Variants in CALN1 observed in about 807,000 individuals in gnomAD.
The protein encoded by CALN1 is calcium-binding protein 8.
In CALN1, 17 loss-of-function variants were observed where a neutral mutation model predicts 30.6. The ratio of observed to expected loss-of-function variants is 0.56; its 90% CI spans 0.38 to 0.83. The LOEUF (loss-of-function observed/expected upper bound fraction) is 0.83. Ranked by LOEUF, CALN1 falls within the 40% of genes least tolerant of loss-of-function variation. The probability of loss-of-function intolerance (pLI) is 0.00; values close to 1 mark genes in which losing one functional copy is unlikely to be tolerated. For synonymous variants in CALN1, 156 were observed against 131.4 expected (o/e 1.19, Z -1.28); for missense variants, 291 against 354.9 (o/e 0.82, Z 1.45).
chr7:72,238,903 T>G (rs945251700), intron 3 of CALN1, among the ~76,000 whole-genome samples: 9 of 152,150 alleles, frequency 5.9e-5, no homozygotes, highest in African/African-American at 2.2e-4. Flanking sequence ...AAGAAAAGAT[T>G]GTGACAAGAC....
intron 4 of CALN1, among the ~76,000 whole-genome samples, chr7:72,098,655 C>G (rs1312400288): frequency 6.6e-6 from 1 of 151,984 alleles, no homozygotes; most frequent in African/African-American, 2.4e-5. Flanking sequence ...CTGCACTGAT[C>G]AATGATTGCA....
chr7:71,938,847 C>G (rs1358113228), intron 5 of CALN1, among the ~76,000 whole-genome samples: 1 of 152,044 alleles, frequency 6.6e-6, no homozygotes, highest in Non-Finnish European at 1.5e-5. Flanking sequence ...TCACTGAGAA[C>G]AGAGAGCGCC....
At chr7:71,799,425 A>T (rs371139025) in intron 6 of CALN1, among the ~76,000 whole-genome samples, 1 of 26,924 alleles carries the variant, frequency 3.7e-5, no homozygotes, top group African/African-American at 6.5e-5. Flanking sequence ...GGGTCTTTTT[A>T]TTTATTTATT....
intron 2 of CALN1, among the ~76,000 whole-genome samples, chr7:72,366,311 T>C (rs1803874657): frequency 6.6e-6 from 1 of 152,014 alleles, no homozygotes. Flanking sequence ...GTAGCTGGGA[T>C]TACAGGTGCA....
chr7:71,828,680 T>C lies in CALN1; in HGVS notation c.502-18188A>G, dbSNP rs186657392. Reference sequence around the variant, plus strand: ...CATATATATATATATGTAAGATATATACATAAGATATATACATATATACAT... The same window carrying C: ...CATATATATATATATGTAAGATATACACATAAGATATATACATATATACAT... On this transcript the variant is annotated intron_variant, in intron 5 of 6. Coordinates refer to ENST00000395275, the MANE Select transcript of CALN1 (RefSeq NM_031468.4). 2.8e-4 allele frequency among the ~76,000 whole-genome samples: 42 copies of C among 150,192 alleles called. 1 individual carries two copies. Among genetic ancestry groups the C allele is most frequent in the African/African-American group, 1.0e-3 (41 of 40,626 alleles).
chr7:72,083,677 T>A (rs756424665), intron 4 of CALN1, among the ~76,000 whole-genome samples: 24 of 152,150 alleles, frequency 1.6e-4, no homozygotes, highest in Admixed American at 3.3e-4. Context: ...TCCCAGCACT[T>A]TGGGAGGCCG....
At chr7:72,429,995 C>T (rs757721246) in intron 1 of CALN1, among the ~76,000 whole-genome samples, 1 of 150,498 alleles carries the variant, frequency 6.6e-6, no homozygotes, top group Non-Finnish European at 1.5e-5. Context: ...AATTCTTTGT[C>T]CTTTTAGTAG....
At chr7:72,325,039 C>T (rs997733327) in intron 2 of CALN1, among the ~76,000 whole-genome samples, 14 of 152,136 alleles carry the variant, frequency 9.2e-5, no homozygotes, top group African/African-American at 3.4e-4. Context: ...TGGCTCCTAC[C>T]TCTAATCCCA....
At chr7:72,478,312 C>A in the CALN1 span, among the ~76,000 whole-genome samples, 4 of 144,160 alleles carry the variant, frequency 2.8e-5, no homozygotes, top group African/African-American at 1.0e-4. Flanking sequence ...ATATTTTATG[C>A]AAATATATTT....
In CALN1 at chr7:71,847,773, A is replaced by AAG. The variant is rs1491243650; in HGVS notation, c.502-37282_502-37281insCT. On this transcript the variant is annotated intron_variant, in intron 5 of 6. Coordinates refer to ENST00000395275, the MANE Select transcript of CALN1 (RefSeq NM_031468.4). ...AGAAAGAAGAAAGAAGAAGAAGAAG[A>AAG]AAGAAGAAGAAGAAGAAGAAGAAAA... Among the ~76,000 whole-genome samples the AAG allele has an allele frequency of 3.3e-3, 474 of 145,270 alleles. 1 individual carries two copies. The highest frequency in any genetic ancestry group is 0.012 in the African/African-American group (448 of 38,798).
intron 5 of CALN1, among the ~76,000 whole-genome samples, chr7:71,926,465 T>C (rs894733210): frequency 2.6e-5 from 4 of 152,210 alleles, no homozygotes; most frequent in Non-Finnish European, 5.9e-5. Context: ...ACCCTATCCA[T>C]GCTTGTTCTG....
intron 3 of CALN1, among the ~76,000 whole-genome samples, chr7:72,119,227 G>T (rs929240820): frequency 6.6e-6 from 1 of 152,126 alleles, no homozygotes; most frequent in African/African-American, 2.4e-5. Flanking sequence ...TTGACTTACA[G>T]TTCCACATGG....
intron 5 of CALN1, among the ~76,000 whole-genome samples, chr7:71,814,902 T>G (rs1301965040): frequency 6.6e-6 from 1 of 151,860 alleles, no homozygotes; most frequent in Non-Finnish European, 1.5e-5. Context: ...GACGCAATCT[T>G]GGCTCACTGT....
chr7:72,360,689 CAT>C (rs1233742843), intron 2 of CALN1, among the ~76,000 whole-genome samples: 2 of 146,808 alleles, frequency 1.4e-5, no homozygotes, highest in African/African-American at 5.0e-5. Flanking sequence ...ACATATGTAA[CAT>C]GTAACAAACC....
intron 2 of CALN1, among the ~76,000 whole-genome samples, chr7:72,398,525 G>A (rs1486088959): frequency 6.6e-6 from 1 of 152,148 alleles, no homozygotes; most frequent in East Asian, 1.9e-4. Context: ...CTTTGGATTG[G>A]GCTGAAGCCA....
At chr7:72,433,587 A>G (rs769922930) in intron 1 of CALN1, among the ~76,000 whole-genome samples, 1 of 152,092 alleles carries the variant, frequency 6.6e-6, no homozygotes, top group Non-Finnish European at 1.5e-5. Flanking sequence ...ACAGTGGCAG[A>G]GACTCCAGAA....
chr7:72,247,318 G>A (rs1795257481), intron 3 of CALN1, among the ~76,000 whole-genome samples: 1 of 126,160 alleles, frequency 7.9e-6, no homozygotes, highest in East Asian at 2.9e-4. Context: ...GCGCGACGTT[G>A]GCTCACTGCA....
chr7:71,856,886 C>T (rs1790978193), intron 5 of CALN1, among the ~76,000 whole-genome samples: 3 of 151,980 alleles, frequency 2.0e-5, no homozygotes, highest in Admixed American at 6.6e-5. Context: ...ACCTGGGAGG[C>T]GGAGGTTGCA....
chr7:72,057,632 G>A (rs1369351464), intron 4 of CALN1, among the ~76,000 whole-genome samples: 1 of 151,278 alleles, frequency 6.6e-6, no homozygotes, highest in Non-Finnish European at 1.5e-5. Flanking sequence ...TTAAAATTAT[G>A]TTTTCCAGTC....
Sources: allele counts gnomAD v4.1 joint callset (sites outside exome capture counted in the v4.1 genomes callset), GRCh38; gene constraint gnomAD v4.1.1; transcripts MANE v1.5; gene names NCBI Gene and HGNC (gene_info 2026-07-23, HGNC 2026-07-21).